The following REV3L variants were observed in gnomAD, a reference collection of about 807,000 sequenced individuals.
REV3L encodes REV3 like, DNA directed polymerase zeta catalytic subunit.
Under a neutral mutation model 299.4 loss-of-function variants are expected in REV3L, and 69 were observed. The ratio of observed to expected loss-of-function variants is 0.23; its 90% CI spans 0.19 to 0.28. REV3L has a LOEUF of 0.28. Among genes scored for constraint, REV3L ranks in the 10% least tolerant of loss-of-function variants. The probability of loss-of-function intolerance (pLI) is 1.00; values close to 1 mark genes in which losing one functional copy is unlikely to be tolerated. For synonymous variants in REV3L, 1,238 were observed against 1,271.4 expected (o/e 0.97, Z 0.56); for missense variants, 3,128 against 3,693.8 (o/e 0.85, Z 3.97).
intron 5 of REV3L, among the ~76,000 whole-genome samples, chr6:111,391,128 C>T (rs1781887046): frequency 6.7e-6 from 1 of 149,340 alleles, no homozygotes; most frequent in Non-Finnish European, 1.5e-5. Flanking sequence ...TGCACTGGTG[C>T]GAACTCAGCT....
chr6:111,460,279 AG>A (rs1413639260), intron 1 of REV3L: 1 of 152,094 alleles, frequency 6.6e-6, no homozygotes, highest in Non-Finnish European at 1.5e-5. Flanking sequence ...TGGGAGAGGG[AG>A]GCAAGGATGG....
intron 1 of REV3L, among the ~76,000 whole-genome samples, chr6:111,476,462 C>A (rs989973192): frequency 6.6e-6 from 1 of 152,060 alleles, no homozygotes; most frequent in African/African-American, 2.4e-5. Context: ...CAGCCTGAAA[C>A]GAAGTTTTGA....
At position 111,412,138 on chromosome 6, in the gene REV3L, T is replaced by C. The variant is rs911075975; in HGVS notation, c.330-584A>G. On this transcript the variant is annotated intron_variant, in intron 2 of 31. Coordinates refer to ENST00000368802, the MANE Select transcript of REV3L (RefSeq NM_001372078.1). ...CTATTATATGTACACACAGCATGTA[T>C]TTCAGTAGCTGATATGAATAAACCT... is the stretch of plus-strand genomic sequence containing the variant. The C allele has an allele frequency of 1.9e-5, 19 of 985,296 alleles. No individual in the cohort carries two copies. The African/African-American group carries it at 3.1e-4, about 16-fold the overall frequency. 61.0% of individuals were successfully genotyped at this position (985,296 alleles called of 1,614,324 possible).
intron 9 of REV3L, 58 bp downstream of exon 9, chr6:111,387,707 A>G (rs1650912437): frequency 6.8e-7 from 1 of 1,476,218 alleles, no homozygotes; most frequent in Non-Finnish European, 9.4e-7. Context: ...AAATATTAAC[A>G]TCTCAGTGCT....
intron 1 of REV3L, among the ~76,000 whole-genome samples, chr6:111,463,526 T>C (rs1791047841): frequency 6.6e-6 from 1 of 152,186 alleles, no homozygotes; most frequent in South Asian, 2.1e-4. Context: ...ATATCCTAAT[T>C]ACTGAGATGC....
chr6:111,342,494 C>A (rs1052141319), intron 21 of REV3L, among the ~76,000 whole-genome samples: 3 of 152,168 alleles, frequency 2.0e-5, no homozygotes, highest in Non-Finnish European at 2.9e-5. Context: ...TGGTGAAACC[C>A]CGTCTCTACT....
At chr6:111,467,506 T>G (rs1353769163) in intron 1 of REV3L, among the ~76,000 whole-genome samples, 1 of 152,226 alleles carries the variant, frequency 6.6e-6, no homozygotes, top group Non-Finnish European at 1.5e-5. Flanking sequence ...GAAAATTATA[T>G]AGCTGGCCCT....
chr6:111,483,232 G>T (rs886714949), upstream of REV3L: 3 of 481,850 alleles, frequency 6.2e-6, no homozygotes, highest in Non-Finnish European at 1.1e-5. Flanking sequence ...CGCAACCACT[G>T]GGGGGAGGGG....
intron 1 of REV3L, among the ~76,000 whole-genome samples, chr6:111,470,434 C>T (rs1792058018): frequency 6.6e-6 from 1 of 152,156 alleles, no homozygotes; most frequent in Non-Finnish European, 1.5e-5. Context: ...CTCTCTATGC[C>T]TCATTTCCTC....
Position 111,441,954 on chromosome 6 carries a change from C to T in REV3L, c.140-25482G>A, listed in dbSNP as rs192087770. 4.6e-5 allele frequency among the ~76,000 whole-genome samples: 7 copies of T among 152,248 alleles called. No individual in the cohort carries two copies. In the East Asian group the frequency reaches 5.8e-4, roughly 13 times the overall value. On this transcript the variant is annotated intron_variant, in intron 1 of 31. Transcript: ENST00000368802. ...TCAGTCTTTAAGTGGGCCTGTGTCC[C>T]GGGGGTGTGACCGTCACAAGTGATT...
intron 1 of REV3L, among the ~76,000 whole-genome samples, chr6:111,452,057 G>T (rs1789607084): frequency 6.6e-6 from 1 of 151,474 alleles, no homozygotes; most frequent in Non-Finnish European, 1.5e-5. Flanking sequence ...AAAAGATTTG[G>T]ATACTTCACC....
At chr6:111,313,593 A>T (rs923146286) in intron 27 of REV3L, 104 bp from the exon 28 acceptor site, 12 of 1,180,102 alleles carry the variant, frequency 1.0e-5, no homozygotes, top group Non-Finnish European at 1.4e-5. Context: ...TCAATTATTT[A>T]AAAAATTCTA....
intron 30 of REV3L, 68 bp downstream of exon 30, chr6:111,309,785 A>C: frequency 6.5e-7 from 1 of 1,536,306 alleles, no homozygotes; most frequent in East Asian, 2.3e-5. Context: ...TAAAACCTTT[A>C]GTTCTACTGA....
At chr6:111,449,459 A>G (rs1268439465) in intron 1 of REV3L, among the ~76,000 whole-genome samples, 1 of 152,242 alleles carries the variant, frequency 6.6e-6, no homozygotes, top group Non-Finnish European at 1.5e-5. Context: ...TGAAAGTATC[A>G]GCACGTGCTT....
rs749643499 is a variant in REV3L at position 111,376,215 on chromosome 6, G to T, written c.2140C>A (p.His714Asn). The change falls in exon 13 of 32, where the codon CAT becomes AAT. Residue 714 changes from histidine to asparagine, a missense_variant. Transcript: ENST00000368802. The part of the protein sequence containing the change: ...KNSFNFSDLN[H>N]SKNKVSSEGN... ...TCAGAGGATACTTTATTTTTTGAAT[G>T]ATTTAAGTCAGAAAAGTTGAAAGAA... 2 of 1,613,130 alleles carry T rather than the reference G, an allele frequency of 1.2e-6. No homozygotes were observed. The highest frequency in any genetic ancestry group is 1.7e-6 in the Non-Finnish European group (2 of 1,179,834).
At chr6:111,443,522 T>A (rs1488322871) in intron 1 of REV3L, among the ~76,000 whole-genome samples, 1 of 152,214 alleles carries the variant, frequency 6.6e-6, no homozygotes, top group Non-Finnish European at 1.5e-5. Flanking sequence ...TGCAGATCAA[T>A]CTGATTGTTT....
chr6:111,411,797 A>C (rs1304519460), intron 2 of REV3L, among the ~76,000 whole-genome samples: 1 of 152,186 alleles, frequency 6.6e-6, no homozygotes, highest in Non-Finnish European at 1.5e-5. Flanking sequence ...TGACGATGGG[A>C]ATTAAAAATT....
chr6:111,437,343 C>T (rs987629299), intron 1 of REV3L, among the ~76,000 whole-genome samples: 2 of 151,774 alleles, frequency 1.3e-5, no homozygotes, highest in African/African-American at 4.8e-5. Context: ...ACTCAGAAGT[C>T]CATCAATTGA....
intron 1 of REV3L, among the ~76,000 whole-genome samples, chr6:111,421,117 G>C (rs1326645007): frequency 1.3e-5 from 2 of 152,124 alleles, no homozygotes; most frequent in Non-Finnish European, 2.9e-5. Flanking sequence ...GACAGAGCGA[G>C]ACTCCATCTC....
Sources: allele counts gnomAD v4.1 joint callset (sites outside exome capture counted in the v4.1 genomes callset), GRCh38; gene constraint gnomAD v4.1.1; transcripts MANE v1.5; gene names NCBI Gene and HGNC (gene_info 2026-07-23, HGNC 2026-07-21).